Variants in TAF4 observed in about 807,000 individuals in gnomAD.
TAF4 encodes the protein transcription initiation factor TFIID subunit 4.
In TAF4, 9 loss-of-function variants were observed where a neutral mutation model predicts 90.3. The observed-to-expected ratio is 0.10, with a 90% CI of 0.06 to 0.17. TAF4 has a LOEUF of 0.17. Ranked by LOEUF, TAF4 falls within the 10% of genes least tolerant of loss-of-function variation. The pLI is 1.00. For synonymous variants in TAF4, 818 were observed against 638.9 expected (o/e 1.28, Z -4.23); for missense variants, 1,351 against 1,370.7 (o/e 0.99, Z 0.23).
At chr20:62,056,827 A>C (rs989280817) in intron 1 of TAF4, among the ~76,000 whole-genome samples, 1 of 152,198 alleles carries the variant, frequency 6.6e-6, no homozygotes, top group African/African-American at 2.4e-5. Context: ...TTTATCATCA[A>C]AAAAATCATG....
chr20:62,014,013 GGTGT>G (rs1197612962), intron 2 of TAF4, among the ~76,000 whole-genome samples: 11 of 122,418 alleles, frequency 9.0e-5, no homozygotes, highest in African/African-American at 3.7e-4. Flanking sequence ...CTGACGCGGG[GGTGT>G]GGGTGTGTGT....
chr20:61,988,764 T>G (rs1279120498), intron 14 of TAF4, among the ~76,000 whole-genome samples: 1 of 152,076 alleles, frequency 6.6e-6, no homozygotes, highest in Non-Finnish European at 1.5e-5. Context: ...CTTCACCCAC[T>G]CGGCAGTGCC....
rs762275626 is a variant in TAF4 at position 62,003,824 on chromosome 20, A to G, written c.2278T>C (p.Leu760=). 8 of 1,605,126 alleles carry G rather than the reference A, an allele frequency of 5.0e-6. 1 individual carries two copies. Among genetic ancestry groups the G allele is most frequent in the Non-Finnish European group, 5.9e-6 (7 of 1,177,556 alleles). ...GALIRPPQVT[L]TQTPMVALRQ... ...AGGGCGACCATGGGTGTCTGCGTCA[A>G]CGTCACCTGCGGGGGCCGGATCAGG... Residue 760 remains leucine (L), a synonymous_variant, in exon 8 of 15, where the codon TTG becomes CTG. Transcript: ENST00000252996.
intron 9 of TAF4, among the ~76,000 whole-genome samples, chr20:62,001,591 C>T (rs1001702281): frequency 2.6e-5 from 4 of 152,136 alleles, no homozygotes; most frequent in South Asian, 2.1e-4. Context: ...CGTTGTGTCT[C>T]GGGGAAGAGC....
chr20:62,041,357 C>A (rs1215009837), intron 1 of TAF4, among the ~76,000 whole-genome samples: 1 of 152,208 alleles, frequency 6.6e-6, no homozygotes, highest in South Asian at 2.1e-4. Context: ...TCAGCCTCCA[C>A]GTACAGCCAC....
At chr20:62,030,245 G>GCC (rs2055897509) in intron 1 of TAF4, among the ~76,000 whole-genome samples, 1 of 152,226 alleles carries the variant, frequency 6.6e-6, no homozygotes, top group Non-Finnish European at 1.5e-5. Context: ...TCTCCACAGT[G>GCC]CCCGGTCAGT....
At chr20:62,032,003 TC>T (rs561011465) in intron 1 of TAF4, among the ~76,000 whole-genome samples, 1 of 151,828 alleles carries the variant, frequency 6.6e-6, no homozygotes, top group Non-Finnish European at 1.5e-5. Context: ...TCCTCAGAGC[TC>T]CCCCGCAGCA....
At chr20:62,053,110 G>C (rs1417799702) in intron 1 of TAF4, among the ~76,000 whole-genome samples, 2 of 152,146 alleles carry the variant, frequency 1.3e-5, no homozygotes, top group Non-Finnish European at 2.9e-5. Context: ...CCCAAGCCCA[G>C]CCTTCGGGCC....
At chr20:62,060,230 T>C (rs991535782) in intron 1 of TAF4, among the ~76,000 whole-genome samples, 15 of 152,182 alleles carry the variant, frequency 9.9e-5, no homozygotes, top group African/African-American at 4.8e-5. Context: ...TCAGGTCCAT[T>C]TGCCACAGAA....
At chr20:61,982,093 CCACACAACA>C (rs1303050160) in intron 14 of TAF4, among the ~76,000 whole-genome samples, 11 of 138,982 alleles carry the variant, frequency 7.9e-5, no homozygotes, top group South Asian at 2.6e-4. Flanking sequence ...GACACCAAAC[CCACACAACA>C]CACACCCACC....
intron 1 of TAF4, among the ~76,000 whole-genome samples, chr20:62,019,582 C>T (rs993960325): frequency 3.3e-5 from 5 of 152,220 alleles, no homozygotes; most frequent in African/African-American, 1.2e-4. Context: ...GGCCACGAGA[C>T]GCCTCCCTGG....
intron 2 of TAF4, among the ~76,000 whole-genome samples, chr20:62,013,970 C>A (rs912129444): frequency 6.9e-6 from 1 of 145,352 alleles, no homozygotes; most frequent in Non-Finnish European, 1.5e-5. Context: ...CTCCCTACCA[C>A]AGCTCAGGAG....
intron 14 of TAF4, among the ~76,000 whole-genome samples, chr20:61,984,266 A>G (rs1189153851): frequency 6.6e-6 from 1 of 152,124 alleles, no homozygotes; most frequent in Non-Finnish European, 1.5e-5. Context: ...GAACTATGAC[A>G]ACACACGTGG....
chr20:62,038,707 A>G lies in TAF4; in HGVS notation c.1361-24000T>C, dbSNP rs148827300. Among the ~76,000 whole-genome samples, 390 of 152,324 alleles carry G rather than the reference A, an allele frequency of 2.6e-3. 2 individuals carry two copies. Among genetic ancestry groups the G allele is most frequent in the African/African-American group, 9.2e-3 (382 of 41,580 alleles). On this transcript the variant is annotated intron_variant, in intron 1 of 14. Coordinates refer to ENST00000252996, the MANE Select transcript of TAF4 (RefSeq NM_003185.4). ...AATCAGAACACTCGATATTGCTAAG[A>G]TATCAATGATCATAAAACCGATCTA...
chr20:62,048,064 G>A (rs1043463626), intron 1 of TAF4, among the ~76,000 whole-genome samples: 3 of 152,176 alleles, frequency 2.0e-5, no homozygotes. Flanking sequence ...ACAATACGGG[G>A]AAGGGTGTGT....
chr20:62,008,773 A>G, intron 5 of TAF4: 2 of 304,890 alleles, frequency 6.6e-6, no homozygotes, highest in Non-Finnish European at 1.2e-5. Context: ...CAGCCAGAGG[A>G]GAAGAGAGCC....
intron 2 of TAF4, 111 bp downstream of exon 2, chr20:62,014,436 C>T: frequency 7.3e-7 from 1 of 1,367,420 alleles, no homozygotes; most frequent in Non-Finnish European, 9.6e-7. Context: ...CCCACACTTC[C>T]CAGTCCTCAC....
At chr20:62,007,068 C>T in intron 6 of TAF4, 1 of 316,320 alleles carries the variant, frequency 3.2e-6, no homozygotes. Flanking sequence ...GTTCCCAACA[C>T]ATGGAAATAA....
chr20:62,059,685 C>A (rs1361963851), intron 1 of TAF4, among the ~76,000 whole-genome samples: 1 of 152,228 alleles, frequency 6.6e-6, no homozygotes, highest in Non-Finnish European at 1.5e-5. Flanking sequence ...GAGCCGGGCA[C>A]CACAGGTGAA....
Sources: gnomAD v4.1 joint callset for allele counts (sites outside exome capture counted in the v4.1 genomes callset) on GRCh38, gnomAD v4.1.1 for gene constraint, MANE v1.5 for transcripts, NCBI Gene and HGNC (gene_info 2026-07-23, HGNC 2026-07-21) for gene names.